PPP2R2A: variants seen among roughly 807,000 people sequenced by gnomAD.
PPP2R2A encodes the protein protein phosphatase 2 regulatory subunit Balpha, also known as serine/threonine-protein phosphatase 2A 55 kDa regulatory subunit B alpha isoform.
Under a neutral mutation model 53.2 loss-of-function variants are expected in PPP2R2A, and 9 were observed. The observed-to-expected ratio is 0.17, with a 90% confidence interval of 0.10 to 0.30. The LOEUF (loss-of-function observed/expected upper bound fraction) is 0.30. PPP2R2A is among the 10% of genes least tolerant of loss of function. The pLI is 1.00. For synonymous variants in PPP2R2A, 169 were observed against 174.2 expected (o/e 0.97, Z 0.23); for missense variants, 235 against 534.6 (o/e 0.44, Z 5.53).
At chr8:26,314,577 T>C (rs747186592) in intron 2 of PPP2R2A, among the ~76,000 whole-genome samples, 4 of 152,222 alleles carry the variant, frequency 2.6e-5, no homozygotes, top group African/African-American at 4.8e-5. Flanking sequence ...GGAAGAGATG[T>C]CTTTATTCTA....
intron 3 of PPP2R2A, chr8:26,339,935 C>T (rs1455506558): frequency 6.6e-6 from 1 of 152,014 alleles, no homozygotes; most frequent in African/African-American, 2.4e-5. Context: ...AAGTGCTTTA[C>T]AAACACTAAT....
chr8:26,315,560 A>G (rs1317232227), intron 2 of PPP2R2A, among the ~76,000 whole-genome samples: 2 of 152,128 alleles, frequency 1.3e-5, no homozygotes, highest in Admixed American at 6.5e-5. Flanking sequence ...TGTGTTCTCT[A>G]TTTTAGAGTC....
In PPP2R2A at chr8:26,319,654, A is replaced by C. The variant is rs1305583444; in HGVS notation, c.83-19236A>C. On this transcript the variant is annotated intron_variant, in intron 2 of 9. Coordinates refer to ENST00000380737, the MANE Select transcript of PPP2R2A (RefSeq NM_002717.4). ...TCGTTGGTCTTGGCAGCCTTGTCCA[A>C]AATCATTTGACCATATGTGCAGGGG... Among the ~76,000 whole-genome samples the C allele has an allele frequency of 3.9e-5, 6 of 152,140 alleles. No individual in the cohort carries two copies. The South Asian group carries it at 1.2e-3, about 32-fold the overall frequency.
intron 9 of PPP2R2A, among the ~76,000 whole-genome samples, chr8:26,369,107 CAA>C (rs1286986545): frequency 1.5e-5 from 2 of 132,248 alleles, no homozygotes; most frequent in African/African-American, 2.8e-5. Flanking sequence ...GACTCCGTCT[CAA>C]AAAAAAAAAA....
chr8:26,291,800 G>T lies in PPP2R2A; in HGVS notation c.-20G>T, dbSNP rs771263494. 2 of 1,603,496 alleles carry T rather than the reference G, an allele frequency of 1.2e-6. No homozygotes were observed. Among genetic ancestry groups the T allele is most frequent in the Non-Finnish European group, 1.7e-6 (2 of 1,175,738 alleles). ...CGGAGACCCCGAGGAACCCAGCAGG[G>T]TCACCATTTGCAGCGCAACATGGCA... On this transcript the variant is annotated 5_prime_UTR_variant, in exon 1 of 10. Coordinates refer to ENST00000380737, the MANE Select transcript of PPP2R2A (RefSeq NM_002717.4).
At chr8:26,337,369 ACT>A (rs953180815) in intron 2 of PPP2R2A, among the ~76,000 whole-genome samples, 2 of 151,944 alleles carry the variant, frequency 1.3e-5, no homozygotes, top group Admixed American at 1.3e-4. Flanking sequence ...GATAATCTTG[ACT>A]CTGTATGTTT....
At chr8:26,300,419 A>G (rs199508777) in intron 2 of PPP2R2A, among the ~76,000 whole-genome samples, 1 of 152,224 alleles carries the variant, frequency 6.6e-6, no homozygotes, top group African/African-American at 2.4e-5. Flanking sequence ...ATGCTGTTAA[A>G]TAGGAAAACT....
chr8:26,292,227 C>A, intron 1 of PPP2R2A: 1 of 1,034,174 alleles, frequency 9.7e-7, no homozygotes, highest in Non-Finnish European at 1.2e-6. Flanking sequence ...TTCTATTTTT[C>A]CCCCTGCTGC....
chr8:26,301,523 A>G (rs1801787208), intron 2 of PPP2R2A, among the ~76,000 whole-genome samples: 2 of 151,774 alleles, frequency 1.3e-5, no homozygotes, highest in African/African-American at 4.8e-5. Context: ...TTTTTTGTAG[A>G]GACAGATCTC....
chr8:26,346,770 A>G (rs574392297), intron 3 of PPP2R2A, among the ~76,000 whole-genome samples: 1 of 152,328 alleles, frequency 6.6e-6, no homozygotes, highest in East Asian at 1.9e-4. Context: ...TACAAAGGGG[A>G]ATTTTCTAGC....
rs1805002123 is a variant in PPP2R2A, at chr8:26,360,082, C to T, written c.347-87C>T. On this transcript the variant is annotated intron_variant, in intron 4 of 9. Transcript: ENST00000380737. This position sits in a 1 kb window ranked among gnomAD's most constrained non-coding sequence, Gnocchi z 4.5. Reference sequence around the variant, plus strand: ...TTTTTTTTTTCGTGGAATCCTTTTACGTGAAATGTGAAATAGCATATTTTA... The same window carrying T: ...TTTTTTTTTTCGTGGAATCCTTTTATGTGAAATGTGAAATAGCATATTTTA... The T allele has an allele frequency of 8.6e-6, 5 of 581,802 alleles. No individual in the cohort carries two copies. Among genetic ancestry groups the T allele is most frequent in the African/African-American group, 3.8e-5 (2 of 52,280 alleles). The allele number at this position is 581,802 out of a possible 1,614,324, so 36.0% of individuals were successfully genotyped here.
At chr8:26,350,577 TC>T (rs1804444867) in intron 3 of PPP2R2A, 1 of 152,144 alleles carries the variant, frequency 6.6e-6, no homozygotes, top group Non-Finnish European at 1.5e-5. Flanking sequence ...ATTTTTTTTT[TC>T]TCTCTCTCTT....
At chr8:26,342,292 A>G (rs1414731763) in intron 3 of PPP2R2A, among the ~76,000 whole-genome samples, 2 of 152,174 alleles carry the variant, frequency 1.3e-5, no homozygotes, top group Non-Finnish European at 2.9e-5. Context: ...GATATAAGTG[A>G]CCCATGTTAT....
At chr8:26,347,355 C>A (rs1331146647) in intron 3 of PPP2R2A, among the ~76,000 whole-genome samples, 1 of 150,590 alleles carries the variant, frequency 6.6e-6, no homozygotes, top group African/African-American at 2.4e-5. Flanking sequence ...GCGCTAGCAT[C>A]TGAGCAAGGC....
chr8:26,310,153 C>T (rs1054032224), intron 2 of PPP2R2A, among the ~76,000 whole-genome samples: 7 of 57,488 alleles, frequency 1.2e-4, no homozygotes, highest in Admixed American at 1.8e-4. Context: ...TGGTGGCGTA[C>T]GCCTGTAGTC....
At chr8:26,307,951 G>A (rs536097633) in intron 2 of PPP2R2A, among the ~76,000 whole-genome samples, 26 of 152,238 alleles carry the variant, frequency 1.7e-4, no homozygotes, top group Middle Eastern at 3.4e-3. Flanking sequence ...TCAAATATAG[G>A]CATACGTCAG....
At position 26,338,788 on chromosome 8, in the gene PPP2R2A, C is replaced by T; in HGVS notation, c.83-102C>T. The T allele has an allele frequency of 1.4e-6, 1 of 698,760 alleles. No homozygotes were observed. Among genetic ancestry groups the T allele is most frequent in the South Asian group, 2.0e-5 (1 of 50,680 alleles). 43.3% of individuals were successfully genotyped at this position (698,760 alleles called of 1,614,324 possible). On this transcript the variant is annotated intron_variant, in intron 2 of 9. Coordinates refer to ENST00000380737, the MANE Select transcript of PPP2R2A (RefSeq NM_002717.4). The surrounding 1 kb of genome is among the most constrained non-coding windows in gnomAD (Gnocchi z 4.5). ...GTGGTTGATGTACTTCAAAGATATA[C>T]TTCATAGACTTGGAATGTTTGGGAA...
intron 2 of PPP2R2A, among the ~76,000 whole-genome samples, chr8:26,333,842 C>T (rs1227880617): frequency 6.6e-6 from 1 of 152,112 alleles, no homozygotes; most frequent in Non-Finnish European, 1.5e-5. Flanking sequence ...CTCTTCCACT[C>T]ACAAAAGAAA....
chr8:26,347,347 G>T (rs370891486), intron 3 of PPP2R2A, among the ~76,000 whole-genome samples: 1 of 151,424 alleles, frequency 6.6e-6, no homozygotes, highest in East Asian at 1.9e-4. Flanking sequence ...GGGGAAGAGC[G>T]CTAGCATCTG....
Sources: gnomAD v4.1 joint callset for allele counts (sites outside exome capture counted in the v4.1 genomes callset) on GRCh38, gnomAD v4.1.1 for gene constraint, Gnocchi (gnomAD v3.1) non-coding constraint, MANE v1.5 for transcripts, NCBI Gene and HGNC (gene_info 2026-07-23, HGNC 2026-07-21) for gene names.